The following RBFOX1 variants were observed in gnomAD, a reference collection of about 807,000 sequenced individuals.
RBFOX1 encodes the protein RNA binding protein fox-1 homolog 1.
A neutral mutation model predicts 57.7 loss-of-function variants in RBFOX1; 8 were observed. The ratio of observed to expected loss-of-function variants is 0.14; its 90% CI spans 0.08 to 0.25. The LOEUF (loss-of-function observed/expected upper bound fraction) is 0.25, where lower values mean the gene tolerates loss of function less well. Ranked by LOEUF, RBFOX1 falls within the 10% of genes least tolerant of loss-of-function variation. The probability of loss-of-function intolerance (pLI) is 1.00; values close to 1 mark genes in which losing one functional copy is unlikely to be tolerated. For missense variants in RBFOX1, 611 were observed against 548.5 expected (o/e 1.11, Z -1.14); for synonymous variants, 326 against 222.4 (o/e 1.47, Z -4.15).
chr16:6,134,628 C>T (rs1043212061), intron 1 of RBFOX1, among the ~76,000 whole-genome samples: 6 of 151,748 alleles, frequency 4.0e-5, no homozygotes, highest in Admixed American at 6.6e-5. Flanking sequence ...GGAGACTAAC[C>T]GTGAACTGTC....
intron 3 of RBFOX1, among the ~76,000 whole-genome samples, chr16:5,836,097 T>G (rs1016054731): frequency 9.9e-5 from 15 of 152,170 alleles, no homozygotes; most frequent in African/African-American, 3.6e-4. Context: ...AGATGTTTAA[T>G]TAGTCGTGAG....
intron 3 of RBFOX1, among the ~76,000 whole-genome samples, chr16:6,837,912 G>C (rs1003409251): frequency 6.6e-6 from 1 of 151,838 alleles, no homozygotes; most frequent in Non-Finnish European, 1.5e-5. Context: ...ACAGTTTACT[G>C]TCACCATGGC....
At chr16:5,693,804 C>T (rs1056677784) in intron 3 of RBFOX1, among the ~76,000 whole-genome samples, 5 of 152,188 alleles carry the variant, frequency 3.3e-5, no homozygotes, top group Admixed American at 6.5e-5. Context: ...AAGTAGGCAA[C>T]TTCTCACTCC....
chr16:5,790,096 C>T (rs368046761), intron 3 of RBFOX1, among the ~76,000 whole-genome samples: 1 of 152,240 alleles, frequency 6.6e-6, no homozygotes, highest in African/African-American at 2.4e-5. Context: ...ACTCAGCAGG[C>T]CTTCCTCCAT....
intron 2 of RBFOX1, among the ~76,000 whole-genome samples, chr16:6,381,050 A>T (rs1317492002): frequency 6.6e-6 from 1 of 152,180 alleles, no homozygotes; most frequent in Non-Finnish European, 1.5e-5. Flanking sequence ...CAGGTCAGAG[A>T]GGAGATGCCT....
intron 4 of RBFOX1, among the ~76,000 whole-genome samples, chr16:7,206,492 C>G (rs1277905431): frequency 6.6e-6 from 1 of 151,392 alleles, no homozygotes; most frequent in Non-Finnish European, 1.5e-5. Flanking sequence ...TATATGCACA[C>G]ACACACACAT....
chr16:5,760,044 T>C (rs2053539953), intron 3 of RBFOX1, among the ~76,000 whole-genome samples: 1 of 151,958 alleles, frequency 6.6e-6, no homozygotes, highest in Non-Finnish European at 1.5e-5. Context: ...AGCCTCAATA[T>C]GCTGAGATGT....
At chr16:6,877,450 G>T (rs2062051839) in intron 3 of RBFOX1, among the ~76,000 whole-genome samples, 2 of 152,062 alleles carry the variant, frequency 1.3e-5, no homozygotes, top group African/African-American at 4.8e-5. Flanking sequence ...CAGAGTAGTG[G>T]GGAAGCTTGA....
chr16:7,005,098 C>T (rs572890252), intron 3 of RBFOX1, among the ~76,000 whole-genome samples: 2 of 152,050 alleles, frequency 1.3e-5, no homozygotes, highest in Admixed American at 6.6e-5. Flanking sequence ...CAGCTGAGAT[C>T]GCGTCATTGC....
At chr16:7,534,989 A>ACAGCT (rs2081137155) in intron 5 of RBFOX1, among the ~76,000 whole-genome samples, 1 of 152,192 alleles carries the variant, frequency 6.6e-6, no homozygotes, top group South Asian at 2.1e-4. Flanking sequence ...CGAGGTAATT[A>ACAGCT]CAGCTCTGTT....
intron 1 of RBFOX1, among the ~76,000 whole-genome samples, chr16:6,047,178 T>A (rs1028143137): frequency 6.6e-6 from 1 of 152,206 alleles, no homozygotes; most frequent in African/African-American, 2.4e-5. Context: ...GTACCTGACA[T>A]CCTAATGTTC....
At chr16:5,863,452 C>G (rs375680348) in intron 3 of RBFOX1, among the ~76,000 whole-genome samples, 3 of 152,188 alleles carry the variant, frequency 2.0e-5, no homozygotes, top group Non-Finnish European at 2.9e-5. Context: ...GTCAGCAACC[C>G]TTAAAGAGCC....
At chr16:7,630,761 C>A in intron 11 of RBFOX1, 78 bp downstream of exon 11, 1 of 1,574,984 alleles carries the variant, frequency 6.3e-7, no homozygotes, top group Non-Finnish European at 8.6e-7. Context: ...TGTAAGTTCT[C>A]TCCCCCTCCC....
Position 5,352,341 on chromosome 16 carries a change from G to C in RBFOX1, c.219+112236G>C, listed in dbSNP as rs77438780. Among the ~76,000 whole-genome samples, 21 of 152,214 alleles carry C rather than the reference G, an allele frequency of 1.4e-4. No homozygotes were observed. In the East Asian group the frequency reaches 4.1e-3, roughly 29 times the overall value. On this transcript the variant is annotated intron_variant, in intron 1 of 2. Coordinates refer to the RBFOX1 transcript ENST00000585867. The stretch of plus-strand genomic sequence containing the variant: ...ACATTTAACCTATAACCCAGCAATT[G>C]CATTCCTAGGTATCTTTACTCTCAA...
At chr16:6,286,311 G>C (rs1475798300) in intron 1 of RBFOX1, among the ~76,000 whole-genome samples, 1 of 152,154 alleles carries the variant, frequency 6.6e-6, no homozygotes, top group East Asian at 1.9e-4. Context: ...AGTGAGAAAT[G>C]CAGTGTCGAT....
chr16:6,299,903 A>ATACCTCTG (rs2078609088), intron 1 of RBFOX1, among the ~76,000 whole-genome samples: 1 of 152,190 alleles, frequency 6.6e-6, no homozygotes, highest in Non-Finnish European at 1.5e-5. Flanking sequence ...TTAACACAAT[A>ATACCTCTG]TACCTCTGTA....
At chr16:5,920,251 C>T (rs1335670571) in intron 4 of RBFOX1, among the ~76,000 whole-genome samples, 1 of 152,160 alleles carries the variant, frequency 6.6e-6, no homozygotes, top group African/African-American at 2.4e-5. Context: ...TACTTCCTTT[C>T]TGTAGAAGGA....
intron 7 of RBFOX1, among the ~76,000 whole-genome samples, chr16:7,588,126 C>A (rs527661007): frequency 6.6e-6 from 1 of 152,186 alleles, no homozygotes; most frequent in Non-Finnish European, 1.5e-5. Context: ...TTGCAGTGAG[C>A]TGAGATTGCA....
chr16:7,615,597 C>G (rs564497480), intron 10 of RBFOX1, among the ~76,000 whole-genome samples: 1 of 152,140 alleles, frequency 6.6e-6, no homozygotes, highest in Non-Finnish European at 1.5e-5. Flanking sequence ...TACAAGCTGC[C>G]TCCCACCAAT....
Sources: gnomAD v4.1 joint callset for allele counts (sites outside exome capture counted in the v4.1 genomes callset) on GRCh38, gnomAD v4.1.1 for gene constraint, MANE v1.5 for transcripts, NCBI Gene and HGNC (gene_info 2026-07-23, HGNC 2026-07-21) for gene names.